Variants in FAAH2 observed in about 807,000 individuals in gnomAD.
FAAH2 encodes the protein fatty acid amide hydrolase 2.
A neutral mutation model predicts 36.9 loss-of-function variants in FAAH2; 60 were observed. That is an observed-to-expected ratio of 1.63 (90% CI 1.32 to 2.02). The LOEUF is 2.02. Among genes scored for constraint, FAAH2 ranks in the 30% most tolerant of loss-of-function variants. The pLI is 0.00. For missense variants in FAAH2, 689 were observed against 397.5 expected, an observed-to-expected ratio of 1.73 and a Z score of -6.23; for synonymous variants, 214 against 143.8, an observed-to-expected ratio of 1.49 and a Z score of -3.49.
chrX:57,450,089 G>A (rs753145929), intron 10 of FAAH2, among the ~76,000 whole-genome samples: 1 of 111,466 alleles, frequency 9.0e-6, no homozygotes, highest in East Asian at 2.8e-4. Flanking sequence ...AACCCAAGGA[G>A]AAATATACTG....
At chrX:57,469,049 G>A (rs1325008331) in intron 10 of FAAH2, among the ~76,000 whole-genome samples, 1 of 111,717 alleles carries the variant, frequency 9.0e-6, no homozygotes, top group African/African-American at 3.3e-5. Context: ...AACAAATGCT[G>A]AGAGATTTTA....
chrX:57,228,245 C>T, the FAAH2 span, among the ~76,000 whole-genome samples: 1 of 111,512 alleles, frequency 9.0e-6, no homozygotes, highest in Non-Finnish European at 1.9e-5. Context: ...CCTCTGGCCA[C>T]CCTCCTGATG....
At chrX:57,414,938 C>A (rs1205444773) in intron 7 of FAAH2, among the ~76,000 whole-genome samples, 1 of 98,405 alleles carries the variant, frequency 1.0e-5, no homozygotes, top group South Asian at 4.8e-4. Flanking sequence ...GATGTGACTT[C>A]TTTTTGGTTT....
At chrX:57,241,551 T>C in the FAAH2 span, among the ~76,000 whole-genome samples, 1 of 111,994 alleles carries the variant, frequency 8.9e-6, no homozygotes, top group Non-Finnish European at 1.9e-5. Flanking sequence ...TTTTTAAAAA[T>C]TTTGTATTTC....
At chrX:57,350,255 A>G (rs1037769351) in intron 5 of FAAH2, among the ~76,000 whole-genome samples, 12 of 111,338 alleles carry the variant, frequency 1.1e-4, no homozygotes, top group Admixed American at 5.8e-4. Flanking sequence ...AATGCTCAAG[A>G]AGTCCTAAAC....
chrX:57,451,668 A>G (rs1297638618), intron 10 of FAAH2, among the ~76,000 whole-genome samples: 1 of 111,779 alleles, frequency 8.9e-6, no homozygotes, highest in African/African-American at 3.3e-5. Context: ...AACACTGTGG[A>G]CAGAGGGTAT....
chrX:57,406,938 G>A (rs764545257), intron 7 of FAAH2, among the ~76,000 whole-genome samples: 4 of 112,668 alleles, frequency 3.6e-5, no homozygotes, highest in Non-Finnish European at 5.6e-5. Context: ...GGCAATAGAT[G>A]GGGTGGCAGG....
intron 2 of FAAH2, among the ~76,000 whole-genome samples, chrX:57,307,515 C>T (rs998823046): frequency 9.0e-6 from 1 of 111,043 alleles, no homozygotes; most frequent in African/African-American, 3.3e-5. Flanking sequence ...TTCACATATT[C>T]TAGCAGCTGT....
chrX:57,283,611 A>T (rs1427257747), upstream of FAAH2, among the ~76,000 whole-genome samples: 1 of 111,117 alleles, frequency 9.0e-6, no homozygotes, highest in Non-Finnish European at 1.9e-5. Context: ...ATGCTCTGCC[A>T]AGGGTGGGAC....
chrX:57,122,820 GTAA>G, the FAAH2 span, among the ~76,000 whole-genome samples: 1 of 111,209 alleles, frequency 9.0e-6, no homozygotes, highest in African/African-American at 3.3e-5. Context: ...AAAAATAGAA[GTAA>G]TAATAATCTC....
chrX:57,128,211 A>G, the FAAH2 span, among the ~76,000 whole-genome samples: 1 of 111,501 alleles, frequency 9.0e-6, no homozygotes, highest in South Asian at 3.7e-4. Flanking sequence ...TTCCTTCTTA[A>G]CGTTACCCGT....
At chrX:57,388,641 G>A (rs2055085709) in intron 7 of FAAH2, among the ~76,000 whole-genome samples, 3 of 111,020 alleles carry the variant, frequency 2.7e-5, no homozygotes, top group Non-Finnish European at 5.7e-5. Flanking sequence ...TTACATTAGT[G>A]TTTATATTGT....
At position 57,299,007 on chromosome X, in the gene FAAH2, C is replaced by T. The variant is rs181700527; in HGVS notation, c.275+6427C>T. Among the ~76,000 whole-genome samples the T allele has an allele frequency of 8.1e-5, 9 of 111,549 alleles. No individual in the cohort carries two copies. In the Admixed American group the frequency reaches 8.6e-4, roughly 11 times the overall value. On this transcript the variant is annotated intron_variant, in intron 2 of 10. Transcript: ENST00000374900. ...AGTCCAGGACCAGATGGATTCACAGCAGAATTCTACCAGAGGTACAAGGAG... is the reference window on the plus strand; with the variant it reads ...AGTCCAGGACCAGATGGATTCACAGTAGAATTCTACCAGAGGTACAAGGAG...
chrX:57,224,440 A>G, the FAAH2 span, among the ~76,000 whole-genome samples: 1 of 111,601 alleles, frequency 9.0e-6, no homozygotes, highest in Non-Finnish European at 1.9e-5. Flanking sequence ...CCAAATAGAC[A>G]GGAATGTAAG....
intron 4 of FAAH2, among the ~76,000 whole-genome samples, chrX:57,336,390 A>G: frequency 9.0e-6 from 1 of 111,268 alleles, no homozygotes; most frequent in Non-Finnish European, 1.9e-5. Context: ...CCCAGGTGAA[A>G]TAAACAGCTT....
intron 7 of FAAH2, among the ~76,000 whole-genome samples, chrX:57,402,369 C>T (rs1343473647): frequency 8.9e-6 from 1 of 112,027 alleles, no homozygotes; most frequent in African/African-American, 3.2e-5. Flanking sequence ...TTCCGTGTTC[C>T]AGAGCCTCCA....
intron 10 of FAAH2, among the ~76,000 whole-genome samples, chrX:57,458,761 G>A (rs2056906878): frequency 8.9e-6 from 1 of 111,967 alleles, no homozygotes; most frequent in East Asian, 2.8e-4. Flanking sequence ...GCCAAGGGAA[G>A]CCCTGAGAGA....
chrX:57,239,497 A>T, the FAAH2 span, among the ~76,000 whole-genome samples: 2 of 109,351 alleles, frequency 1.8e-5, no homozygotes, highest in African/African-American at 6.6e-5. Context: ...TATTTCATTG[A>T]CCTTGGGGAA....
At position 57,392,802 on chromosome X, in the gene FAAH2, G is replaced by C. The variant is rs192703272; in HGVS notation, c.996+11773G>C. Reference sequence around the variant, plus strand: ...GTTGCGAATGGGCAGAATGAATCCTGTAGGGACACCTTTTCGCTCTGGGTT... The same window carrying C: ...GTTGCGAATGGGCAGAATGAATCCTCTAGGGACACCTTTTCGCTCTGGGTT... On this transcript the variant is annotated intron_variant, in intron 7 of 10. Coordinates refer to ENST00000374900, the MANE Select transcript of FAAH2 (RefSeq NM_174912.4). 91 of 642,495 alleles carry C rather than the reference G, an allele frequency of 1.4e-4. No homozygotes were observed. The African/African-American group carries it at 1.9e-3, about 13-fold the overall frequency. 52.9% of individuals were successfully genotyped at this position (642,495 alleles called of 1,213,427 possible). A position where few individuals can be genotyped will look rare whatever the true frequency, so the allele number is the denominator to read the frequency against.
Sources: gnomAD v4.1 joint callset for allele counts (sites outside exome capture counted in the v4.1 genomes callset) on GRCh38, gnomAD v4.1.1 for gene constraint, MANE v1.5 for transcripts, NCBI Gene and HGNC (gene_info 2026-07-23, HGNC 2026-07-21) for gene names.